The following FAF1 variants were observed in gnomAD, a reference collection of about 807,000 sequenced individuals.
The protein encoded by FAF1 is Fas associated factor 1.
A neutral mutation model predicts 92.5 loss-of-function variants in FAF1; 25 were observed. The ratio of observed to expected loss-of-function variants is 0.27; its 90% CI spans 0.20 to 0.38. FAF1 has a LOEUF of 0.38. FAF1 is among the 10% of genes least tolerant of loss of function. The probability of loss-of-function intolerance (pLI) is 1.00; values close to 1 mark genes in which losing one functional copy is unlikely to be tolerated. For synonymous variants in FAF1, 234 were observed against 273.2 expected (o/e 0.86, Z 1.42); for missense variants, 636 against 793.3 (o/e 0.80, Z 2.38).
At chr1:50,789,627 GCCT>G (rs889532851) in intron 3 of FAF1, among the ~76,000 whole-genome samples, 2 of 152,138 alleles carry the variant, frequency 1.3e-5, no homozygotes, top group Non-Finnish European at 2.9e-5. Context: ...TAATGCAATT[GCCT>G]CCTAACTAAT....
chr1:50,859,234 T>C (rs1431830475), intron 1 of FAF1, among the ~76,000 whole-genome samples: 1 of 151,884 alleles, frequency 6.6e-6, no homozygotes, highest in Non-Finnish European at 1.5e-5. Flanking sequence ...ACCACTTATA[T>C]TCAACATAGT....
chr1:50,947,773 C>T (rs1209561410), intron 1 of FAF1, among the ~76,000 whole-genome samples: 1 of 152,130 alleles, frequency 6.6e-6, no homozygotes, highest in East Asian at 1.9e-4. Context: ...AAGTTACAAC[C>T]CTCAATTTAG....
At chr1:50,786,212 C>A (rs1661358997) in intron 4 of FAF1, among the ~76,000 whole-genome samples, 2 of 151,676 alleles carry the variant, frequency 1.3e-5, no homozygotes, top group African/African-American at 4.8e-5. Flanking sequence ...CCTAAATGTC[C>A]ATTTATGATG....
chr1:50,584,855 T>G, intron 9 of FAF1, 44 bp from the exon 10 acceptor site: 5 of 1,572,702 alleles, frequency 3.2e-6, no homozygotes, highest in Non-Finnish European at 4.4e-6. Flanking sequence ...GATTTTGGCC[T>G]ATCAAATTCT....
At chr1:50,863,686 C>T (rs879116156) in intron 1 of FAF1, among the ~76,000 whole-genome samples, 14 of 151,918 alleles carry the variant, frequency 9.2e-5, no homozygotes, top group South Asian at 2.1e-4. Context: ...TGTCTCTGCC[C>T]GGCTTTGCTA....
At chr1:50,904,597 G>C (rs1264837216) in intron 1 of FAF1, among the ~76,000 whole-genome samples, 1 of 152,034 alleles carries the variant, frequency 6.6e-6, no homozygotes, top group Non-Finnish European at 1.5e-5. Flanking sequence ...ATATCTAGTT[G>C]TGCTGAGATT....
At chr1:50,824,180 A>C (rs1025730563) in intron 2 of FAF1, among the ~76,000 whole-genome samples, 3 of 152,324 alleles carry the variant, frequency 2.0e-5, no homozygotes, top group African/African-American at 7.2e-5. Flanking sequence ...GCTAAATACA[A>C]TAACTATTTC....
intron 7 of FAF1, among the ~76,000 whole-genome samples, chr1:50,683,847 G>A (rs1363624500): frequency 1.3e-5 from 2 of 151,124 alleles, no homozygotes; most frequent in African/African-American, 4.9e-5. Context: ...CAGGAAAATA[G>A]CTTGAACCTA....
chr1:50,602,753 C>T (rs1035178734), intron 8 of FAF1, among the ~76,000 whole-genome samples: 16 of 152,052 alleles, frequency 1.1e-4, no homozygotes, highest in Admixed American at 6.6e-5. Flanking sequence ...CTGCCCGCCT[C>T]GGCTTCCCAA....
intron 18 of FAF1, among the ~76,000 whole-genome samples, chr1:50,467,316 A>G (rs1646509433): frequency 6.6e-6 from 1 of 152,090 alleles, no homozygotes. Flanking sequence ...TTACACATTG[A>G]AAGTATTTTT....
chr1:50,850,785 T>A (rs906771658), intron 2 of FAF1, among the ~76,000 whole-genome samples: 1 of 152,102 alleles, frequency 6.6e-6, no homozygotes, highest in Admixed American at 6.5e-5. Context: ...TATCATTAAA[T>A]AGCAAATTTT....
intron 8 of FAF1, among the ~76,000 whole-genome samples, chr1:50,617,185 G>A (rs916605935): frequency 6.6e-6 from 1 of 152,180 alleles, no homozygotes; most frequent in Admixed American, 6.5e-5. Context: ...TGTTAAATAG[G>A]AGTGGTGAGA....
chr1:50,603,471 C>T (rs545662162), intron 8 of FAF1, among the ~76,000 whole-genome samples: 2 of 152,158 alleles, frequency 1.3e-5, no homozygotes, highest in East Asian at 1.9e-4. Context: ...TCTAGAATAC[C>T]CCTTTTAAAT....
At chr1:50,731,604 G>A (rs1015452978) in intron 6 of FAF1, among the ~76,000 whole-genome samples, 1 of 151,924 alleles carries the variant, frequency 6.6e-6, no homozygotes, top group South Asian at 2.1e-4. Flanking sequence ...TCCTGACCTC[G>A]TGATCCGCCC....
chr1:50,748,014 TA>T (rs1360876223), intron 4 of FAF1, among the ~76,000 whole-genome samples: 1 of 152,188 alleles, frequency 6.6e-6, no homozygotes, highest in South Asian at 2.1e-4. Context: ...GCGAACCAAT[TA>T]AACCTTTTTT....
intron 13 of FAF1, among the ~76,000 whole-genome samples, chr1:50,560,730 G>A (rs77637678): frequency 0.021 from 3,260 of 152,308 alleles, 52 homozygotes; most frequent in Middle Eastern, 0.092. Context: ...TTGATTCTAA[G>A]TGTTCTAGAA....
At chr1:50,794,984 T>TA (rs1362678031) in intron 3 of FAF1, among the ~76,000 whole-genome samples, 2 of 152,058 alleles carry the variant, frequency 1.3e-5, no homozygotes, top group African/African-American at 4.8e-5. Context: ...CTAAGCAATT[T>TA]AAAAAAAGGA....
At chr1:50,928,041 A>T (rs1645019585) in intron 1 of FAF1, among the ~76,000 whole-genome samples, 1 of 152,186 alleles carries the variant, frequency 6.6e-6, no homozygotes, top group African/African-American at 2.4e-5. Context: ...TGCTTCAGTT[A>T]ATGACAGACT....
At chr1:50,761,383 C>A (rs1328615105) in intron 4 of FAF1, among the ~76,000 whole-genome samples, 5 of 151,934 alleles carry the variant, frequency 3.3e-5, no homozygotes, top group Non-Finnish European at 5.9e-5. Context: ...GAGACACAAC[C>A]AAAAAAGAGA....
Sources: allele counts gnomAD v4.1 joint callset (sites outside exome capture counted in the v4.1 genomes callset), GRCh38; gene constraint gnomAD v4.1.1; transcripts MANE v1.5; gene names NCBI Gene and HGNC (gene_info 2026-07-23, HGNC 2026-07-21).